The following PDZRN3 variants were observed in gnomAD, a reference collection of about 807,000 sequenced individuals.
The protein encoded by PDZRN3 is PDZ domain containing ring finger 3.
In PDZRN3, 38 loss-of-function variants were observed where a neutral mutation model predicts 85.7. The ratio of observed to expected loss-of-function variants is 0.44; its 90% CI spans 0.34 to 0.58. The LOEUF (loss-of-function observed/expected upper bound fraction) is 0.58, where lower values mean the gene tolerates loss of function less well. Ranked by LOEUF, PDZRN3 falls within the 20% of genes least tolerant of loss-of-function variation. The pLI is 0.01. For synonymous variants in PDZRN3, 759 were observed against 638.0 expected, an observed-to-expected ratio of 1.19 and a Z score of -2.86; for missense variants, 1,629 against 1,506.4, an observed-to-expected ratio of 1.08 and a Z score of -1.35.
At chr3:73,390,989 A>T in intron 6 of PDZRN3, 29 bp downstream of exon 6, 1 of 1,456,406 alleles carries the variant, frequency 6.9e-7, no homozygotes, top group Non-Finnish European at 9.6e-7. Flanking sequence ...TTGATACGAT[A>T]GTTAGAAAAA....
chr3:73,401,140 T>C, intron 4 of PDZRN3, 131 bp from the exon 5 acceptor site: 1 of 679,794 alleles, frequency 1.5e-6, no homozygotes, highest in Middle Eastern at 2.8e-4. Context: ...CACTTCCCTC[T>C]GGATGGGGCT....
intron 3 of PDZRN3, among the ~76,000 whole-genome samples, chr3:73,594,713 G>A (rs1324887755): frequency 7.0e-6 from 1 of 143,660 alleles, no homozygotes; most frequent in Non-Finnish European, 1.6e-5. Flanking sequence ...TCTTACCTGT[G>A]TTAGAGTCTT....
At chr3:73,415,566 TA>T (rs1177496678) in intron 3 of PDZRN3, among the ~76,000 whole-genome samples, 1 of 152,208 alleles carries the variant, frequency 6.6e-6, no homozygotes, top group Non-Finnish European at 1.5e-5. Context: ...GATACATATT[TA>T]ATAGAAACTG....
chr3:73,573,840 CATATACATATACG>C (rs1702079826), intron 3 of PDZRN3, among the ~76,000 whole-genome samples: 1 of 79,770 alleles, frequency 1.3e-5, no homozygotes, highest in Admixed American at 1.3e-4. Flanking sequence ...TATACATATA[CATATACATATACG>C]GTCCTTACCA....
chr3:73,574,897 C>T (rs1702101096), intron 3 of PDZRN3, among the ~76,000 whole-genome samples: 1 of 152,240 alleles, frequency 6.6e-6, no homozygotes, highest in African/African-American at 2.4e-5. Flanking sequence ...ATTTACAGCA[C>T]AGTCCTATTG....
chr3:73,546,224 C>A (rs1701419842), intron 3 of PDZRN3, among the ~76,000 whole-genome samples: 1 of 152,196 alleles, frequency 6.6e-6, no homozygotes, highest in Admixed American at 6.5e-5. Context: ...TGGCATGATA[C>A]CACAGGCGAC....
chr3:73,558,527 G>T (rs940660573), intron 3 of PDZRN3, among the ~76,000 whole-genome samples: 1 of 152,210 alleles, frequency 6.6e-6, no homozygotes, highest in African/African-American at 2.4e-5. Flanking sequence ...CCCTTTTGCA[G>T]CAAGAGACAC....
chr3:73,489,301 C>A (rs143092290), intron 3 of PDZRN3, among the ~76,000 whole-genome samples: 118 of 152,252 alleles, frequency 7.8e-4, no homozygotes, highest in African/African-American at 2.7e-3. Flanking sequence ...TTTAATGGTA[C>A]CTTTTCCTGC....
intron 3 of PDZRN3, among the ~76,000 whole-genome samples, chr3:73,448,834 T>G (rs1246530835): frequency 6.6e-6 from 1 of 152,204 alleles, no homozygotes; most frequent in African/African-American, 2.4e-5. Flanking sequence ...ACACCTGGTG[T>G]GATACATCTG....
rs377624271 is a variant in PDZRN3, at chr3:73,383,358, G to A, written c.*7C>T. The A allele has an allele frequency of 2.5e-6, 4 of 1,593,516 alleles. No homozygotes were observed. Among genetic ancestry groups the A allele is most frequent in the African/African-American group, 2.7e-5 (2 of 74,298 alleles). On this transcript the variant is annotated 3_prime_UTR_variant, in exon 10 of 10. Transcript: ENST00000263666. Reference sequence around the variant, plus strand: ...TCTCCTTTATGTACATAATGCAGAAGTGAAAATTATACAGTAGTCACCGAT... The same window carrying A: ...TCTCCTTTATGTACATAATGCAGAAATGAAAATTATACAGTAGTCACCGAT...
At chr3:73,487,852 A>G (rs907368835) in intron 3 of PDZRN3, among the ~76,000 whole-genome samples, 1 of 152,202 alleles carries the variant, frequency 6.6e-6, no homozygotes, top group Non-Finnish European at 1.5e-5. Context: ...TACTTAAAGC[A>G]TTCACCTTTA....
intron 3 of PDZRN3, among the ~76,000 whole-genome samples, chr3:73,573,644 G>A (rs554079227): frequency 2.8e-4 from 43 of 152,182 alleles, no homozygotes; most frequent in East Asian, 2.1e-3. Flanking sequence ...GCCAACGCCC[G>A]TTCTATGGTA....
At chr3:73,549,134 C>T (rs1169377774) in intron 3 of PDZRN3, among the ~76,000 whole-genome samples, 1 of 152,214 alleles carries the variant, frequency 6.6e-6, no homozygotes, top group Non-Finnish European at 1.5e-5. Context: ...AGAGGCTGCA[C>T]TTGAACGTTT....
In PDZRN3 at chr3:73,435,305, A is replaced by G. The variant is rs115663675; in HGVS notation, c.919-30910T>C. The stretch of plus-strand genomic sequence containing the variant: ...CTGGAGGGTGAGGAGCCTTCCTTCC[A>G]GGCCCTCACCTGGTGTCACTGCCTG... On this transcript the variant is annotated intron_variant, in intron 3 of 9. Coordinates refer to ENST00000263666, the MANE Select transcript of PDZRN3 (RefSeq NM_015009.3). Among the ~76,000 whole-genome samples the G allele has an allele frequency of 7.4e-3, 1,130 of 152,226 alleles. 14 individuals carry two copies. Among genetic ancestry groups the G allele is most frequent in the African/African-American group, 0.026 (1,083 of 41,542 alleles).
At chr3:73,552,987 A>G (rs1701598614) in intron 3 of PDZRN3, among the ~76,000 whole-genome samples, 1 of 152,200 alleles carries the variant, frequency 6.6e-6, no homozygotes, top group African/African-American at 2.4e-5. Flanking sequence ...CCTGGTGAGG[A>G]GAGGAGTATC....
intron 3 of PDZRN3, among the ~76,000 whole-genome samples, chr3:73,477,337 C>T (rs560372813): frequency 6.6e-6 from 1 of 152,122 alleles, no homozygotes; most frequent in South Asian, 2.1e-4. Flanking sequence ...AATATAAATT[C>T]CGGGTCTCTC....
chr3:73,448,526 G>A (rs1702795542), intron 3 of PDZRN3, among the ~76,000 whole-genome samples: 1 of 152,186 alleles, frequency 6.6e-6, no homozygotes, highest in Non-Finnish European at 1.5e-5. Context: ...GGAGTGAAGA[G>A]TTAATTCTAC....
intron 3 of PDZRN3, among the ~76,000 whole-genome samples, chr3:73,521,567 T>C (rs1418889448): frequency 6.6e-6 from 1 of 152,102 alleles, no homozygotes. Context: ...GAGATGCACT[T>C]CCAGAGGGCC....
intron 3 of PDZRN3, among the ~76,000 whole-genome samples, chr3:73,465,991 A>G (rs1386417802): frequency 1.3e-5 from 2 of 152,222 alleles, no homozygotes; most frequent in Non-Finnish European, 2.9e-5. Flanking sequence ...ACAGATACTG[A>G]AGATTGTATT....
Sources: gnomAD v4.1 joint callset for allele counts (sites outside exome capture counted in the v4.1 genomes callset) on GRCh38, gnomAD v4.1.1 for gene constraint, MANE v1.5 for transcripts, NCBI Gene and HGNC (gene_info 2026-07-23, HGNC 2026-07-21) for gene names.